Variants in MAPK10 observed in about 807,000 individuals in gnomAD.
The protein encoded by MAPK10 is mitogen-activated protein kinase 10.
In MAPK10, 25 loss-of-function variants were observed where a neutral mutation model predicts 59.3. That is an observed-to-expected ratio of 0.42 (90% CI 0.31 to 0.59). MAPK10 has a LOEUF of 0.59. MAPK10 is among the 20% of genes least tolerant of loss of function. MAPK10 has a pLI of 0.15. For synonymous variants in MAPK10, 190 were observed against 200.5 expected (o/e 0.95, Z 0.44); for missense variants, 351 against 568.9 (o/e 0.62, Z 3.90).
At chr4:86,545,201 G>A (rs907022826) in intron 1 of MAPK10, among the ~76,000 whole-genome samples, 1 of 152,204 alleles carries the variant, frequency 6.6e-6, no homozygotes, top group African/African-American at 2.4e-5. Context: ...TTTGAAATGA[G>A]TGCAAGGACT....
intron 1 of MAPK10, among the ~76,000 whole-genome samples, chr4:86,464,162 T>C (rs1486988443): frequency 6.6e-6 from 1 of 152,256 alleles, no homozygotes; most frequent in African/African-American, 2.4e-5. Flanking sequence ...GCTGACTTTG[T>C]GGGTATTCTC....
At chr4:86,554,629 G>A (rs1463844146) in intron 1 of MAPK10, among the ~76,000 whole-genome samples, 1 of 152,014 alleles carries the variant, frequency 6.6e-6, no homozygotes, top group African/African-American at 2.4e-5. Context: ...AGGCTCTTAC[G>A]ATTTCTGTCC....
intron 1 of MAPK10, among the ~76,000 whole-genome samples, chr4:86,397,201 A>C (rs1743055197): frequency 6.6e-6 from 1 of 152,226 alleles, no homozygotes; most frequent in Admixed American, 6.5e-5. Flanking sequence ...TTCCTCAGTG[A>C]GAAGAAATTA....
Position 86,132,281 on chromosome 4 carries a change from G to T in MAPK10, c.237-24929C>A, listed in dbSNP as rs190983456. ...TTGAGTTAAAATATTGAGTAGTAGAGTAGTTATTCCTCTAATGATTTTATG... is the reference window on the plus strand; with the variant it reads ...TTGAGTTAAAATATTGAGTAGTAGATTAGTTATTCCTCTAATGATTTTATG... On this transcript the variant is annotated intron_variant, in intron 4 of 13. Coordinates refer to ENST00000641462, the MANE Select transcript of MAPK10 (RefSeq NM_138982.4). 2.6e-5 allele frequency among the ~76,000 whole-genome samples: 4 copies of T among 152,228 alleles called. No homozygotes were observed. The East Asian group carries it at 7.7e-4, about 29-fold the overall frequency.
At chr4:86,345,678 C>G (rs954593391) in intron 2 of MAPK10, among the ~76,000 whole-genome samples, 1 of 152,186 alleles carries the variant, frequency 6.6e-6, no homozygotes, top group Non-Finnish European at 1.5e-5. Context: ...ATCTTCTAAA[C>G]TCGAACAAAC....
In MAPK10 at chr4:86,070,345, TTTC is replaced by T. The variant is rs755124345; in HGVS notation, c.803-2393_803-2391del. Among the ~76,000 whole-genome samples the T allele has an allele frequency of 2.4e-3, 357 of 146,942 alleles. 2 individuals are homozygous for T. The highest frequency in any genetic ancestry group is 9.0e-3 in the African/African-American group (332 of 36,716). On this transcript the variant is annotated intron_variant, in intron 9 of 13. Coordinates refer to ENST00000641462, the MANE Select transcript of MAPK10 (RefSeq NM_138982.4). ...AATTTAGTTGAGCACATGATTTTTCTTTCTTTTTTTTTTTGTAGCACTTGAAGG... is the reference window on the plus strand; with the variant it reads ...AATTTAGTTGAGCACATGATTTTTCTTTTTTTTTTTTGTAGCACTTGAAGG...
chr4:86,115,359 A>G (rs2058143039), intron 4 of MAPK10, among the ~76,000 whole-genome samples: 2 of 152,034 alleles, frequency 1.3e-5, no homozygotes, highest in South Asian at 4.2e-4. Context: ...TGCATGGGTC[A>G]TACCAACTGC....
rs866486790 is a variant in MAPK10 at position 86,279,714 on chromosome 4, A to G, written c.-7+74816T>C. 3.3e-5 allele frequency among the ~76,000 whole-genome samples: 5 copies of G among 152,270 alleles called. No individual in the cohort carries two copies. In the East Asian group the frequency reaches 5.8e-4, roughly 18 times the overall value. On this transcript the variant is annotated intron_variant, in intron 2 of 13. Coordinates refer to ENST00000641462, the MANE Select transcript of MAPK10 (RefSeq NM_138982.4). ...GGGCTCAACTAACCAAACACTCCCAATTGGAATTTCGATTCCTGAAAGGAT... is the reference window on the plus strand; with the variant it reads ...GGGCTCAACTAACCAAACACTCCCAGTTGGAATTTCGATTCCTGAAAGGAT...
At chr4:86,130,295 G>A (rs2060773003) in intron 4 of MAPK10, among the ~76,000 whole-genome samples, 1 of 151,958 alleles carries the variant, frequency 6.6e-6, no homozygotes, top group Non-Finnish European at 1.5e-5. Context: ...AACTTCATAT[G>A]AGGTTAAATT....
chr4:86,440,441 C>T (rs1209871563), intron 1 of MAPK10, among the ~76,000 whole-genome samples: 3 of 151,938 alleles, frequency 2.0e-5, no homozygotes, highest in African/African-American at 7.2e-5. Context: ...TCAAGATCAG[C>T]CTGGGCAAGT....
Position 86,016,127 on chromosome 4 carries a change from A to G in MAPK10, c.*1101T>C, listed in dbSNP as rs1002647718. On this transcript the variant is annotated 3_prime_UTR_variant, in exon 14 of 14. Transcript: ENST00000641462. ...CATGGAGGCAATTCTGCTCAGTTCC[A>G]GAGAGAGATTCTTATCATCAAAAGC... The G allele has an allele frequency of 2.6e-5, 4 of 152,182 alleles. No homozygotes were observed. Among genetic ancestry groups the G allele is most frequent in the African/African-American group, 9.7e-5 (4 of 41,438 alleles). The allele number at this position is 152,182 out of a possible 1,614,324, so 9.4% of individuals were successfully genotyped here.
chr4:86,070,115 C>A (rs2047528601), intron 9 of MAPK10, among the ~76,000 whole-genome samples: 1 of 152,018 alleles, frequency 6.6e-6, no homozygotes, highest in Admixed American at 6.6e-5. Context: ...AGAAGGGTGG[C>A]AAAAATCTTT....
At position 86,238,791 on chromosome 4, in the gene MAPK10, A is replaced by T. The variant is rs2092487038; in HGVS notation, c.-6-44384T>A. The stretch of plus-strand genomic sequence containing the variant: ...TAAATATAAAATCATGTCATCTGCA[A>T]ACAGAGACAATTTGACTTCCTCTCT... On this transcript the variant is annotated intron_variant, in intron 2 of 13. Coordinates refer to ENST00000641462, the MANE Select transcript of MAPK10 (RefSeq NM_138982.4). Among the ~76,000 whole-genome samples the T allele has an allele frequency of 4.6e-5, 7 of 152,302 alleles. No homozygotes were observed. The South Asian group carries it at 1.4e-3, about 32-fold the overall frequency.
At chr4:86,513,063 T>A (rs1448760990) in intron 1 of MAPK10, among the ~76,000 whole-genome samples, 7 of 152,150 alleles carry the variant, frequency 4.6e-5, no homozygotes, top group Non-Finnish European at 4.4e-5. Context: ...ACATCCTTTT[T>A]TTCTTTTCTT....
At chr4:86,203,893 GCATATGCTCACTTTAACATACTGT>G in intron 2 of MAPK10, among the ~76,000 whole-genome samples, 1 of 151,860 alleles carries the variant, frequency 6.6e-6, no homozygotes, top group Non-Finnish European at 1.5e-5. Context: ...TAAGAACTGT[GCATATGCTCACTTTAACATACTGT>G]CAAATTCTTA....
intron 1 of MAPK10, chr4:86,429,732 G>A (rs1747780380): frequency 6.6e-6 from 1 of 151,730 alleles, no homozygotes; most frequent in South Asian, 2.1e-4. Flanking sequence ...AAGCACAGGA[G>A]TTTCTGGCTG....
chr4:86,269,307 T>A (rs13145457), intron 2 of MAPK10, among the ~76,000 whole-genome samples: 1 of 152,130 alleles, frequency 6.6e-6, no homozygotes, highest in Non-Finnish European at 1.5e-5. Context: ...CTCCTTAATG[T>A]TTTTGGTTTC....
chr4:86,412,118 T>C (rs1745257508), intron 1 of MAPK10, among the ~76,000 whole-genome samples: 2 of 152,324 alleles, frequency 1.3e-5, no homozygotes, highest in South Asian at 4.1e-4. Context: ...CTCTCAGCAT[T>C]TGCTTATCTG....
At chr4:86,310,784 A>G (rs1315211824) in intron 2 of MAPK10, among the ~76,000 whole-genome samples, 2 of 151,792 alleles carry the variant, frequency 1.3e-5, no homozygotes, top group African/African-American at 4.8e-5. Context: ...TCACTGTGTG[A>G]TTTAGTGGTT....
Sources: allele counts gnomAD v4.1 joint callset (sites outside exome capture counted in the v4.1 genomes callset), GRCh38; gene constraint gnomAD v4.1.1; transcripts MANE v1.5; gene names NCBI Gene and HGNC (gene_info 2026-07-23, HGNC 2026-07-21).